EYA1: variants seen among roughly 807,000 people sequenced by gnomAD.
EYA1 encodes protein phosphatase EYA1.
Under a neutral mutation model 82.0 loss-of-function variants are expected in EYA1, and 16 were observed. The ratio of observed to expected loss-of-function variants is 0.20; its 90% CI spans 0.13 to 0.30. The LOEUF is 0.30. Ranked by LOEUF, EYA1 falls within the 10% of genes least tolerant of loss-of-function variation. The probability of loss-of-function intolerance (pLI) is 1.00; values close to 1 mark genes in which losing one functional copy is unlikely to be tolerated. For synonymous variants in EYA1, 261 were observed against 264.4 expected, an observed-to-expected ratio of 0.99 and a Z score of 0.12; for missense variants, 633 against 730.7, an observed-to-expected ratio of 0.87 and a Z score of 1.54.
intron 11 of EYA1, among the ~76,000 whole-genome samples, chr8:71,255,872 A>T (rs931299885): frequency 8.7e-6 from 1 of 114,324 alleles, no homozygotes; most frequent in Non-Finnish European, 2.2e-5. Context: ...ATGACTCAAT[A>T]AAAAAAACCC....
chr8:71,498,080 A>T (rs574526964), intron 2 of EYA1, among the ~76,000 whole-genome samples: 20 of 152,260 alleles, frequency 1.3e-4, no homozygotes, highest in African/African-American at 4.3e-4. Context: ...GGGGATGTTA[A>T]TGAAAGGATA....
intron 1 of EYA1, among the ~76,000 whole-genome samples, chr8:71,540,147 G>C (rs1225138861): frequency 6.6e-6 from 1 of 151,754 alleles, no homozygotes; most frequent in Non-Finnish European, 1.5e-5. Context: ...AATCTATTCT[G>C]TGCATTCCTG....
At chr8:71,539,582 T>G (rs1814988788) in intron 1 of EYA1, among the ~76,000 whole-genome samples, 1 of 152,196 alleles carries the variant, frequency 6.6e-6, no homozygotes, top group African/African-American at 2.4e-5. Flanking sequence ...CTTAGGGAAC[T>G]ATGCCTTCTT....
At chr8:71,522,619 C>CTTT (rs35579621) in intron 2 of EYA1, among the ~76,000 whole-genome samples, 12 of 135,548 alleles carry the variant, frequency 8.9e-5, no homozygotes, top group Admixed American at 2.2e-4. Context: ...TCAATACAAA[C>CTTT]TTTTTTTTTT....
chr8:71,200,724 A>G (rs1163175536), intron 17 of EYA1, among the ~76,000 whole-genome samples: 1 of 152,226 alleles, frequency 6.6e-6, no homozygotes, highest in South Asian at 2.1e-4. Flanking sequence ...ATAGAGATGC[A>G]TGTGTCGCTG....
intron 2 of EYA1, among the ~76,000 whole-genome samples, chr8:71,389,651 C>A (rs1235809744): frequency 6.6e-6 from 1 of 152,130 alleles, no homozygotes; most frequent in Non-Finnish European, 1.5e-5. Flanking sequence ...CTGGAAAAAA[C>A]TGATTCAAAA....
At chr8:71,212,536 G>A (rs891409553) in intron 16 of EYA1, among the ~76,000 whole-genome samples, 1 of 152,196 alleles carries the variant, frequency 6.6e-6, no homozygotes, top group Non-Finnish European at 1.5e-5. Context: ...TAAAGATGAA[G>A]TTGTGGTAGA....
chr8:71,479,963 C>A (rs1288553317), intron 2 of EYA1, among the ~76,000 whole-genome samples: 1 of 152,124 alleles, frequency 6.6e-6, no homozygotes, highest in Non-Finnish European at 1.5e-5. Context: ...GAAGAGAGAC[C>A]TATTTACTCT....
intron 2 of EYA1, among the ~76,000 whole-genome samples, chr8:71,484,282 T>C (rs980340448): frequency 1.3e-5 from 2 of 152,206 alleles, no homozygotes; most frequent in East Asian, 1.9e-4. Flanking sequence ...AAGCAGAACA[T>C]TGGGTTCACA....
chr8:71,303,595 C>T (rs775009602), intron 7 of EYA1, among the ~76,000 whole-genome samples: 1 of 141,154 alleles, frequency 7.1e-6, no homozygotes, highest in Non-Finnish European at 1.6e-5. Flanking sequence ...ATCAAGTTCG[C>T]AGGGCCGCTC....
At chr8:71,428,753 CT>C (rs1199802044) in intron 2 of EYA1, among the ~76,000 whole-genome samples, 1 of 152,070 alleles carries the variant, frequency 6.6e-6, no homozygotes, top group Non-Finnish European at 1.5e-5. Context: ...AATGGCTTTC[CT>C]TTTAATACTA....
In EYA1 at chr8:71,406,533, G is replaced by A. The variant is rs567869553; in HGVS notation, c.34-50022C>T. 1.4e-4 allele frequency among the ~76,000 whole-genome samples: 22 copies of A among 152,338 alleles called. No homozygotes were observed. The South Asian group carries it at 2.9e-3, about 20-fold the overall frequency. On this transcript the variant is annotated intron_variant, in intron 2 of 18. Transcript: ENST00000643681. ...TGGGTGTGTGCACCGTGTGCGAGCCGAAGCAGGGTGAGGCATTGCCTCCCT... is the reference window on the plus strand; with the variant it reads ...TGGGTGTGTGCACCGTGTGCGAGCCAAAGCAGGGTGAGGCATTGCCTCCCT...
intron 2 of EYA1, among the ~76,000 whole-genome samples, chr8:71,517,384 T>C (rs1163764186): frequency 1.3e-5 from 2 of 151,908 alleles, no homozygotes; most frequent in African/African-American, 4.8e-5. Context: ...TTTAAAATAT[T>C]TTGAAAAATG....
At chr8:71,492,932 A>G (rs1206349976) in intron 2 of EYA1, among the ~76,000 whole-genome samples, 2 of 152,138 alleles carry the variant, frequency 1.3e-5, no homozygotes, top group African/African-American at 2.4e-5. Context: ...ACCTTCTGAT[A>G]GGCCCCAGTG....
At chr8:71,536,171 T>C (rs1437008958) in intron 1 of EYA1, among the ~76,000 whole-genome samples, 1 of 152,176 alleles carries the variant, frequency 6.6e-6, no homozygotes, top group Non-Finnish European at 1.5e-5. Context: ...ACAAGAGCTT[T>C]TTTTCTTCTC....
intron 16 of EYA1, among the ~76,000 whole-genome samples, 185 bp from the exon 17 acceptor site, chr8:71,211,441 A>C (rs921386853): frequency 1.3e-5 from 2 of 152,224 alleles, no homozygotes; most frequent in Non-Finnish European, 2.9e-5. Flanking sequence ...TACAAAGTAA[A>C]TTAATTAGCA....
Position 71,334,038 on chromosome 8 carries a change from A to T in EYA1, c.202+59T>A. 3.4e-6 allele frequency: 4 copies of T among 1,175,468 alleles called. No individual in the cohort carries two copies. In the South Asian group the frequency reaches 4.9e-5, roughly 14 times the overall value. 72.8% of individuals were successfully genotyped at this position (1,175,468 alleles called of 1,614,324 possible). A position where few individuals can be genotyped will look rare whatever the true frequency, so the allele number is the denominator to read the frequency against. ...ACATATACATACACAGGGACATTAC[A>T]TGAATAAACTAGAAAAAATGCTTGG... On this transcript the variant is annotated intron_variant, in intron 4 of 17. Transcript: ENST00000340726.
intron 12 of EYA1, among the ~76,000 whole-genome samples, chr8:71,221,874 T>A (rs73684720): frequency 0.018 from 2,755 of 152,206 alleles, 68 homozygotes; most frequent in African/African-American, 0.062. Context: ...AAGCCTCAGA[T>A]AGACATGCGT....
chr8:71,439,443 A>C lies in EYA1; in HGVS notation c.34-82932T>G, dbSNP rs181176607. Among the ~76,000 whole-genome samples the C allele has an allele frequency of 1.0e-3, 156 of 152,338 alleles. 1 individual carries two copies. Among genetic ancestry groups the C allele is most frequent in the African/African-American group, 3.6e-3 (151 of 41,584 alleles). On this transcript the variant is annotated intron_variant, in intron 2 of 18. Transcript: ENST00000643681. Reference sequence around the variant, plus strand: ...ACCTGGGGTTTGACAGTTATGTACTAGTTGGGATGTTGTGCAACCAGCTGG... The same window carrying C: ...ACCTGGGGTTTGACAGTTATGTACTCGTTGGGATGTTGTGCAACCAGCTGG...
Sources: gnomAD v4.1 joint callset for allele counts (sites outside exome capture counted in the v4.1 genomes callset) on GRCh38, gnomAD v4.1.1 for gene constraint, MANE v1.5 for transcripts, NCBI Gene and HGNC (gene_info 2026-07-23, HGNC 2026-07-21) for gene names.